The following CIB1 variants were observed in gnomAD, a reference collection of about 807,000 sequenced individuals.
CIB1 encodes calcium and integrin-binding protein 1.
In CIB1, 19 loss-of-function variants were observed where a neutral mutation model predicts 25.0. That is an observed-to-expected ratio of 0.76 (90% confidence interval 0.53 to 1.12). The LOEUF is 1.12. CIB1 is among the 50% of genes most tolerant of loss of function. The pLI, the probability that CIB1 is intolerant of heterozygous loss-of-function variation, is 0.00. For missense variants in CIB1, 236 were observed against 242.6 expected (o/e 0.97, Z 0.18); for synonymous variants, 104 against 98.5 (o/e 1.06, Z -0.33).
At chr15:90,257,501 G>A in the CIB1 span, 2 of 992,690 alleles carry the variant, frequency 2.0e-6, no homozygotes, top group Non-Finnish European at 3.0e-6. Context: ...GGATCATCTA[G>A]AATAGCAGTC....
At chr15:90,261,064 T>C in the CIB1 span, among the ~76,000 whole-genome samples, 1 of 151,654 alleles carries the variant, frequency 6.6e-6, no homozygotes, top group African/African-American at 2.4e-5. Context: ...GAACGTATAT[T>C]ACCTTTTTTT....
chr15:90,264,738 G>C, the CIB1 span: 1 of 1,536,092 alleles, frequency 6.5e-7, no homozygotes, highest in Non-Finnish European at 8.7e-7. Flanking sequence ...GCCAGCAGAA[G>C]GCTAGAAGCC....
the CIB1 span, chr15:90,262,898 G>T: frequency 6.8e-7 from 1 of 1,469,896 alleles, no homozygotes; most frequent in African/African-American, 1.4e-5. Context: ...GAGGCCTGTA[G>T]CCATCCTGGG....
At chr15:90,262,839 C>A in the CIB1 span, 1 of 1,270,332 alleles carries the variant, frequency 7.9e-7, no homozygotes, top group South Asian at 1.6e-5. Flanking sequence ...GAATGGACAG[C>A]AAAAGGAACC....
At position 90,231,232 on chromosome 15, in the gene CIB1, A is replaced by G; in HGVS notation, c.347-19T>C. The G allele has an allele frequency of 6.2e-7, 1 of 1,613,400 alleles. No individual in the cohort carries two copies. Among genetic ancestry groups the G allele is most frequent in the Non-Finnish European group, 8.5e-7 (1 of 1,179,434 alleles). On this transcript the variant is annotated intron_variant, in intron 4 of 6. Coordinates refer to ENST00000328649, the MANE Select transcript of CIB1 (RefSeq NM_006384.4). ...TCAAAGTCTAGAGAGCAGACACAGG[A>G]AGCCAAAAGACACGGTTGGGAGGGG...
At chr15:90,237,283 C>CTTTTTT (rs35595704), upstream of CIB1, among the ~76,000 whole-genome samples, 2 of 113,238 alleles carry the variant, frequency 1.8e-5, no homozygotes, top group Non-Finnish European at 3.4e-5. Flanking sequence ...CTTTTTTTCC[C>CTTTTTT]TTTTTTTTTT....
chr15:90,230,968 G>A lies in CIB1; in HGVS notation c.520C>T (p.Gln174Ter). 1.9e-6 allele frequency: 3 copies of A among 1,614,170 alleles called. No individual in the cohort carries two copies. The highest frequency in any genetic ancestry group is 2.5e-6 in the Non-Finnish European group (3 of 1,180,012). The change falls in exon 6 of 7, where the codon CAG becomes TAG. Residue 174 changes from glutamine (Q) to a stop codon, truncating the protein, a stop_gained. Transcript: ENST00000328649. LOFTEE classifies it high-confidence loss of function. ...RDGTINLSEF[Q>*]HVISRSPDFA... The stretch of plus-strand genomic sequence containing the variant: ...TCTGGAGAACGGGAGATGACGTGCT[G>A]GAACTCAGAGAGGTTGATGGTTCCA...
the CIB1 span, chr15:90,262,491 G>A: frequency 6.8e-7 from 1 of 1,478,446 alleles, no homozygotes; most frequent in Non-Finnish European, 8.9e-7. Flanking sequence ...TGTCTTGTCA[G>A]GCAGCAACTA....
At chr15:90,232,478 A>G in intron 2 of CIB1, 151 bp from the exon 3 acceptor site, 1 of 1,302,082 alleles carries the variant, frequency 7.7e-7, no homozygotes, top group Non-Finnish European at 1.0e-6. Context: ...GGTAAGCAAA[A>G]GGACATGTCA....
chr15:90,230,167 G>T lies in CIB1; in HGVS notation c.*317C>A, dbSNP rs1461936259. On this transcript the variant is annotated 3_prime_UTR_variant, in exon 7 of 7. Coordinates refer to ENST00000328649, the MANE Select transcript of CIB1 (RefSeq NM_006384.4). ...CCCGCTGGCCTCTGCTCGATATGCTGCTTATTCCTAGGATGATTGAAGGCT... is the reference window on the plus strand; with the variant it reads ...CCCGCTGGCCTCTGCTCGATATGCTTCTTATTCCTAGGATGATTGAAGGCT... 9 of 408,874 alleles carry T rather than the reference G, an allele frequency of 2.2e-5. No individual in the cohort carries two copies. In the South Asian group the frequency reaches 2.3e-4, roughly 11 times the overall value. The allele number at this position is 408,874 out of a possible 1,614,324, so 25.3% of individuals were successfully genotyped here. A position where few individuals can be genotyped will look rare whatever the true frequency, so the allele number is the denominator to read the frequency against.
the CIB1 span, among the ~76,000 whole-genome samples, chr15:90,260,875 A>C: frequency 2.0e-5 from 3 of 151,268 alleles, no homozygotes; most frequent in Admixed American, 2.0e-4. Context: ...AAAAGAGAGA[A>C]AGAAAGGAAG....
At chr15:90,243,422 C>T in the CIB1 span, 1 of 152,204 alleles carries the variant, frequency 6.6e-6, no homozygotes, top group Admixed American at 6.6e-5. Flanking sequence ...TCACAGCTCA[C>T]TGCAGACCCA....
chr15:90,250,835 G>C, the CIB1 span: 3 of 1,614,060 alleles, frequency 1.9e-6, no homozygotes, highest in East Asian at 4.5e-5. Context: ...CATAGCCCCA[G>C]TTGACACAGG....
chr15:90,265,411 C>A, the CIB1 span: 1 of 1,270,740 alleles, frequency 7.9e-7, no homozygotes, highest in African/African-American at 1.6e-5. Context: ...GCCTGGGCAG[C>A]CGCTGGGGCG....
chr15:90,265,360 C>G, the CIB1 span: 1 of 1,228,120 alleles, frequency 8.1e-7, no homozygotes, highest in Non-Finnish European at 1.0e-6. Context: ...AGAAGACTGC[C>G]GAGCGGAAGC....
chr15:90,252,043 C>CTTTTTTTTTT, the CIB1 span, among the ~76,000 whole-genome samples: 66 of 133,458 alleles, frequency 4.9e-4, 1 homozygote, highest in Middle Eastern at 3.9e-3. Context: ...TCACCTAATT[C>CTTTTTTTTTT]TTTTTTTTTT....
chr15:90,264,330 A>G, the CIB1 span, among the ~76,000 whole-genome samples: 1 of 152,182 alleles, frequency 6.6e-6, no homozygotes, highest in Non-Finnish European at 1.5e-5. Context: ...AGCTGGGACT[A>G]TAGGCACACA....
the CIB1 span, chr15:90,263,143 C>A: frequency 1.3e-6 from 2 of 1,524,102 alleles, no homozygotes; most frequent in South Asian, 1.2e-5. Context: ...TCATGAGAGT[C>A]GGGTGAGGGT....
chr15:90,233,991 C>G, upstream of CIB1: 1 of 1,272,026 alleles, frequency 7.9e-7, no homozygotes, highest in Non-Finnish European at 1.0e-6. Context: ...GCAACCGCTC[C>G]TGGGGCCACC....
Sources: gnomAD v4.1 joint callset for allele counts (sites outside exome capture counted in the v4.1 genomes callset) on GRCh38, gnomAD v4.1.1 for gene constraint, MANE v1.5 for transcripts, NCBI Gene and HGNC (gene_info 2026-07-23, HGNC 2026-07-21) for gene names.